The following KCTD1 variants were observed in gnomAD, a reference collection of about 807,000 sequenced individuals.
The protein encoded by KCTD1 is potassium channel tetramerization domain containing 1, also known as BTB/POZ domain-containing protein KCTD1.
In KCTD1, 24 loss-of-function variants were observed where a neutral mutation model predicts 66.0. That is an observed-to-expected ratio of 0.36 (90% CI 0.26 to 0.51). KCTD1 has a LOEUF of 0.51. Among genes scored for constraint, KCTD1 ranks in the 20% least tolerant of loss-of-function variants. KCTD1 has a pLI of 0.95. For missense variants in KCTD1, 943 were observed against 1,205.2 expected (o/e 0.78, Z 3.22); for synonymous variants, 511 against 517.2 (o/e 0.99, Z 0.16).
intron 1 of KCTD1, among the ~76,000 whole-genome samples, chr18:26,542,274 A>C (rs1006699127): frequency 2.6e-5 from 4 of 152,152 alleles, no homozygotes; most frequent in Admixed American, 6.5e-5. Context: ...CTTTTTTTGA[A>C]CCAATTAATT....
At chr18:26,511,534 G>A (rs1352888876) in intron 1 of KCTD1, among the ~76,000 whole-genome samples, 1 of 152,196 alleles carries the variant, frequency 6.6e-6, no homozygotes, top group Non-Finnish European at 1.5e-5. Flanking sequence ...GCAAAGGTTG[G>A]CAATGAAACA....
chr18:26,520,280 C>T (rs1438057608), intron 1 of KCTD1, among the ~76,000 whole-genome samples: 2 of 152,184 alleles, frequency 1.3e-5, no homozygotes, highest in African/African-American at 4.8e-5. Flanking sequence ...CACACATGTG[C>T]TGGCTATTTT....
At chr18:26,543,241 T>C (rs1253590034) in intron 1 of KCTD1, 1 of 152,192 alleles carries the variant, frequency 6.6e-6, no homozygotes, top group Non-Finnish European at 1.5e-5. Flanking sequence ...AAACTAATAT[T>C]GAAAATCAGA....
intron 1 of KCTD1, among the ~76,000 whole-genome samples, chr18:26,575,828 G>T (rs1986212724): frequency 6.6e-6 from 1 of 152,288 alleles, no homozygotes; most frequent in Non-Finnish European, 1.5e-5. Flanking sequence ...CTCATTGAAA[G>T]CACTGATCTT....
intron 1 of KCTD1, among the ~76,000 whole-genome samples, chr18:26,504,082 T>C (rs1197307694): frequency 6.6e-6 from 1 of 152,190 alleles, no homozygotes; most frequent in Non-Finnish European, 1.5e-5. Context: ...ACTTTTTTTT[T>C]AGGAGACAGA....
chr18:26,572,348 C>A (rs1598947151), intron 1 of KCTD1, among the ~76,000 whole-genome samples: 1 of 152,114 alleles, frequency 6.6e-6, no homozygotes, highest in Non-Finnish European at 1.5e-5. Flanking sequence ...TGAGTCACTG[C>A]TGGTTTTAAA....
chr18:26,535,478 T>A (rs1984657681), intron 1 of KCTD1, among the ~76,000 whole-genome samples: 1 of 151,632 alleles, frequency 6.6e-6, no homozygotes, highest in Non-Finnish European at 1.5e-5. Flanking sequence ...TTAAAAAAAG[T>A]CCGCAAGTCA....
At chr18:26,585,325 G>A (rs187901628) in intron 1 of KCTD1, among the ~76,000 whole-genome samples, 129 of 152,294 alleles carry the variant, frequency 8.5e-4, no homozygotes, top group African/African-American at 3.0e-3. Flanking sequence ...AAGGCCTAAA[G>A]TTACCATCCA....
chr18:26,467,636 G>A (rs887140895), intron 3 of KCTD1, among the ~76,000 whole-genome samples: 7 of 152,148 alleles, frequency 4.6e-5, no homozygotes, highest in African/African-American at 1.7e-4. Flanking sequence ...CCAATATGGT[G>A]AAAACCCATC....
At chr18:26,656,112 C>G (rs975155583) in intron 1 of KCTD1, among the ~76,000 whole-genome samples, 1 of 152,148 alleles carries the variant, frequency 6.6e-6, no homozygotes, top group African/African-American at 2.4e-5. Flanking sequence ...CCCTCCCGCC[C>G]ACCTCTGCGC....
At chr18:26,508,015 C>T (rs1983134672) in intron 1 of KCTD1, among the ~76,000 whole-genome samples, 1 of 152,056 alleles carries the variant, frequency 6.6e-6, no homozygotes, top group Non-Finnish European at 1.5e-5. Context: ...AAAAAATCCT[C>T]CAATCAGAAC....
At chr18:26,556,181 C>T (rs543873506) in intron 1 of KCTD1, among the ~76,000 whole-genome samples, 1 of 152,278 alleles carries the variant, frequency 6.6e-6, no homozygotes, top group East Asian at 1.9e-4. Context: ...TGGGTTTGTT[C>T]TATTTCTTTA....
At chr18:26,491,145 G>A (rs752624378) in intron 2 of KCTD1, among the ~76,000 whole-genome samples, 6 of 152,172 alleles carry the variant, frequency 3.9e-5, no homozygotes, top group Non-Finnish European at 8.8e-5. Flanking sequence ...TGTGTTCCAT[G>A]TAGGAGTGTG....
chr18:26,563,284 C>A (rs1239268390), intron 1 of KCTD1, among the ~76,000 whole-genome samples: 1 of 152,188 alleles, frequency 6.6e-6, no homozygotes, highest in Non-Finnish European at 1.5e-5. Flanking sequence ...TCCTTTGTAT[C>A]CTTTAACTTA....
At chr18:26,599,155 T>G (rs1382930343) in intron 1 of KCTD1, among the ~76,000 whole-genome samples, 1 of 152,254 alleles carries the variant, frequency 6.6e-6, no homozygotes, top group Non-Finnish European at 1.5e-5. Flanking sequence ...GATCTTTTTT[T>G]GTATGTGATA....
chr18:26,559,707 G>A (rs191145643), intron 1 of KCTD1, among the ~76,000 whole-genome samples: 1 of 152,254 alleles, frequency 6.6e-6, no homozygotes, highest in Admixed American at 6.5e-5. Flanking sequence ...TGGTAGGAGG[G>A]GCTGTTAAAA....
intron 1 of KCTD1, among the ~76,000 whole-genome samples, chr18:26,519,587 T>C (rs1414280033): frequency 2.0e-5 from 3 of 152,226 alleles, no homozygotes; most frequent in Non-Finnish European, 4.4e-5. Context: ...CAACCATTTA[T>C]ATAAACTAAG....
At chr18:26,601,510 G>A (rs1205985599) in intron 1 of KCTD1, among the ~76,000 whole-genome samples, 2 of 152,034 alleles carry the variant, frequency 1.3e-5, no homozygotes. Flanking sequence ...GAAAGTGTGA[G>A]TATTCCAACT....
At chr18:26,502,457 C>T (rs1423675070) in intron 1 of KCTD1, among the ~76,000 whole-genome samples, 2 of 152,122 alleles carry the variant, frequency 1.3e-5, no homozygotes, top group African/African-American at 2.4e-5. Flanking sequence ...CCTCCCAAAG[C>T]GCTAGGATTA....
Sources: allele counts gnomAD v4.1 joint callset (sites outside exome capture counted in the v4.1 genomes callset), GRCh38; gene constraint gnomAD v4.1.1; transcripts MANE v1.5; gene names NCBI Gene and HGNC (gene_info 2026-07-23, HGNC 2026-07-21).